The following DST variants were observed in gnomAD, a reference collection of about 807,000 sequenced individuals.
DST encodes dystonin.
Under a neutral mutation model 875.2 loss-of-function variants are expected in DST, and 253 were observed. The observed-to-expected ratio is 0.29, with a 90% CI of 0.26 to 0.32. The LOEUF (loss-of-function observed/expected upper bound fraction) is 0.32. DST is among the 10% of genes least tolerant of loss of function. The pLI is 1.00. For synonymous variants in DST, 3,124 were observed against 3,197.1 expected (o/e 0.98, Z 0.77); for missense variants, 8,287 against 9,111.6 (o/e 0.91, Z 3.68).
chr6:56,621,098 G>A (rs1282405649), intron 36 of DST, among the ~76,000 whole-genome samples: 2 of 152,206 alleles, frequency 1.3e-5, no homozygotes, highest in Non-Finnish European at 2.9e-5. Flanking sequence ...AAACTCTCAC[G>A]ACGGTGCCCT....
chr6:56,944,844 A>G, intron 2 of DST, among the ~76,000 whole-genome samples: 1 of 152,224 alleles, frequency 6.6e-6, no homozygotes, highest in East Asian at 1.9e-4. Flanking sequence ...GGCCTGTGAC[A>G]GTTCTGGCCA....
chr6:56,818,266 T>TA (rs890510047), intron 4 of DST, among the ~76,000 whole-genome samples: 3 of 151,912 alleles, frequency 2.0e-5, no homozygotes, highest in African/African-American at 4.8e-5. Context: ...CCAATTTTTT[T>TA]AAAAAAACAA....
At chr6:56,499,409 G>C (rs2096042281) in intron 80 of DST, among the ~76,000 whole-genome samples, 1 of 152,122 alleles carries the variant, frequency 6.6e-6, no homozygotes, top group Non-Finnish European at 1.5e-5. Context: ...GGTATGTTAA[G>C]AGTAGGATCA....
chr6:56,810,459 C>T (rs1487626934), intron 4 of DST, among the ~76,000 whole-genome samples: 1 of 152,064 alleles, frequency 6.6e-6, no homozygotes, highest in Non-Finnish European at 1.5e-5. Flanking sequence ...TCTTGTTCAA[C>T]CATGTGTAAA....
chr6:56,926,187 A>G (rs1162736358), intron 2 of DST, among the ~76,000 whole-genome samples: 2 of 152,196 alleles, frequency 1.3e-5, no homozygotes, highest in Non-Finnish European at 2.9e-5. Flanking sequence ...CATGGTACTA[A>G]AAGTTCCTAC....
chr6:56,645,818 G>C (rs143268181), intron 15 of DST, 48 bp downstream of exon 15: 2 of 1,598,454 alleles, frequency 1.3e-6, no homozygotes, highest in Admixed American at 3.6e-5. Flanking sequence ...AGAACACAAA[G>C]GCCCCCTCCC....
chr6:56,677,303 G>C (rs79363489), intron 9 of DST, among the ~76,000 whole-genome samples: 23,363 of 151,912 alleles, frequency 0.15, 4,325 homozygotes, highest in African/African-American at 0.45. Context: ...CACTACTTAT[G>C]TACCATCCAT....
At chr6:56,657,046 C>T (rs183075021) in intron 10 of DST, among the ~76,000 whole-genome samples, 76 of 152,182 alleles carry the variant, frequency 5.0e-4, no homozygotes, top group Admixed American at 9.8e-4. Flanking sequence ...AGTTTCTCCC[C>T]CCTCCCTCAG....
chr6:56,528,627 C>T (rs570266438), intron 67 of DST, among the ~76,000 whole-genome samples: 133 of 152,284 alleles, frequency 8.7e-4, no homozygotes, highest in African/African-American at 3.1e-3. Flanking sequence ...GTAATACACA[C>T]AACTTCCATC....
At chr6:56,679,950 T>C (rs2099149289) in intron 9 of DST, among the ~76,000 whole-genome samples, 1 of 152,206 alleles carries the variant, frequency 6.6e-6, no homozygotes, top group South Asian at 2.1e-4. Context: ...TCCTTTTCTC[T>C]TGGAGTTTAA....
In DST at chr6:56,938,082, TTCTC is replaced by T. The variant is rs144019912; in HGVS notation, c.216+15699_216+15702del. Among the ~76,000 whole-genome samples the T allele has an allele frequency of 6.2e-3, 818 of 131,666 alleles. 5 individuals carry two copies. Among genetic ancestry groups the T allele is most frequent in the Middle Eastern group, 0.015 (4 of 274 alleles). 86.4% of individuals were successfully genotyped at this position (131,666 alleles called of 152,430 possible). A position where few individuals can be genotyped will look rare whatever the true frequency, so the allele number is the denominator to read the frequency against. ...CTAGAAATTACACCTCTCTCTCTCT[TTCTC>T]TCTCTCTCTCTCTCTCTCTCTCTAT... On this transcript the variant is annotated intron_variant, in intron 2 of 103. Transcript: ENST00000680361.
At chr6:56,670,139 T>C (rs1480850427) in intron 10 of DST, among the ~76,000 whole-genome samples, 56 of 139,570 alleles carry the variant, frequency 4.0e-4, no homozygotes, top group African/African-American at 1.3e-3. Context: ...CGTGCGTGTG[T>C]GTGTGTGTGT....
At chr6:56,756,995 G>T (rs2099605757) in intron 4 of DST, among the ~76,000 whole-genome samples, 1 of 152,160 alleles carries the variant, frequency 6.6e-6, no homozygotes, top group Non-Finnish European at 1.5e-5. Context: ...ATGAATCAAT[G>T]CCTTGCAGCA....
intron 4 of DST, 45 bp downstream of exon 4, chr6:56,851,351 CG>C: frequency 6.4e-7 from 1 of 1,568,308 alleles, no homozygotes; most frequent in East Asian, 2.3e-5. Flanking sequence ...GGCGAATTTC[CG>C]CAACTCTCTT....
chr6:56,775,871 C>G (rs536839547), intron 4 of DST, among the ~76,000 whole-genome samples: 22 of 152,252 alleles, frequency 1.4e-4, no homozygotes, highest in Non-Finnish European at 2.5e-4. Flanking sequence ...AAAGAAGTTT[C>G]CTTCACACAA....
At chr6:56,933,299 T>C (rs1447491175) in intron 2 of DST, among the ~76,000 whole-genome samples, 1 of 152,254 alleles carries the variant, frequency 6.6e-6, no homozygotes, top group Admixed American at 6.5e-5. Flanking sequence ...AACCAATGTG[T>C]AACCTCTGCA....
At chr6:56,752,777 GA>G (rs2099591345) in intron 4 of DST, among the ~76,000 whole-genome samples, 1 of 152,130 alleles carries the variant, frequency 6.6e-6, no homozygotes, top group South Asian at 2.1e-4. Flanking sequence ...CTATAAACAA[GA>G]TTGAGTTTTT....
intron 102 of DST, among the ~76,000 whole-genome samples, chr6:56,462,366 T>C (rs2094375639): frequency 6.6e-6 from 1 of 152,042 alleles, no homozygotes; most frequent in South Asian, 2.1e-4. Flanking sequence ...CCATATATCA[T>C]GCCGTATTAA....
At chr6:56,538,678 T>C (rs1244072467) in intron 61 of DST, among the ~76,000 whole-genome samples, 4 of 152,138 alleles carry the variant, frequency 2.6e-5, no homozygotes, top group Non-Finnish European at 1.5e-5. Flanking sequence ...CTCTAAAATC[T>C]CCTCCTAGCT....
Sources: gnomAD v4.1 joint callset for allele counts (sites outside exome capture counted in the v4.1 genomes callset) on GRCh38, gnomAD v4.1.1 for gene constraint, MANE v1.5 for transcripts, NCBI Gene and HGNC (gene_info 2026-07-23, HGNC 2026-07-21) for gene names.